LIMS2: variants seen among roughly 807,000 people sequenced by gnomAD.
LIMS2 encodes the protein LIM zinc finger domain containing 2.
A neutral mutation model predicts 45.3 loss-of-function variants in LIMS2; 30 were observed. That is an observed-to-expected ratio of 0.66 (90% CI 0.50 to 0.90). LIMS2 has a LOEUF of 0.90. LIMS2 is among the 40% of genes least tolerant of loss of function. The probability of loss-of-function intolerance (pLI) is 0.00; values close to 1 mark genes in which losing one functional copy is unlikely to be tolerated. For synonymous variants in LIMS2, 173 were observed against 188.0 expected, an observed-to-expected ratio of 0.92 and a Z score of 0.65; for missense variants, 485 against 468.7, an observed-to-expected ratio of 1.03 and a Z score of -0.32.
chr2:127,649,915 C>T, intron 4 of LIMS2: 1 of 1,000,832 alleles, frequency 1.0e-6, no homozygotes, highest in East Asian at 2.6e-5. Context: ...GATGCTGCCC[C>T]CTGGTGGTGG....
At chr2:127,679,481 G>C (rs1454951521), upstream of LIMS2, among the ~76,000 whole-genome samples, 1 of 152,118 alleles carries the variant, frequency 6.6e-6, no homozygotes, top group Admixed American at 6.5e-5. This position sits in a 1 kb window ranked among gnomAD's most constrained non-coding sequence, Gnocchi z 5.3. Flanking sequence ...CTGGGCCACA[G>C]AGTGACATGA....
chr2:127,656,386 C>T (rs1005142873), intron 2 of LIMS2, among the ~76,000 whole-genome samples: 14 of 151,114 alleles, frequency 9.3e-5, no homozygotes, highest in Admixed American at 7.9e-4. Flanking sequence ...CTCAGCACAG[C>T]GGCCACAAGC....
At chr2:127,674,950 C>A in intron 1 of LIMS2, 64 bp downstream of exon 1, 1 of 1,225,796 alleles carries the variant, frequency 8.2e-7, no homozygotes. Flanking sequence ...GGGCGAGCTG[C>A]GCCTCGGCCA....
rs1685282550 is a variant in LIMS2, at chr2:127,671,818, A to G, written c.11+3196T>C. 6.6e-6 allele frequency among the ~76,000 whole-genome samples: 1 copy of G among 152,232 alleles called. No individual in the cohort carries two copies. The highest frequency in any genetic ancestry group is 1.5e-5 in the Non-Finnish European group (1 of 68,036). ...GCTCAGGGCTCAGTGGTGCCACATC[A>G]CAAGCCACATCACTTGTTACCCACT... On this transcript the variant is annotated intron_variant, in intron 1 of 9. Transcript: ENST00000355119. The surrounding 1 kb of genome is among the most constrained non-coding windows in gnomAD (Gnocchi z 4.1).
At chr2:127,674,849 C>A (rs1383192906) in intron 1 of LIMS2, 165 bp downstream of exon 1, 2 of 985,216 alleles carry the variant, frequency 2.0e-6, no homozygotes, top group African/African-American at 1.7e-5. Flanking sequence ...GCTGGGGGAC[C>A]CCTGCCCCGA....
chr2:127,652,022 G>A (rs921609656), intron 4 of LIMS2: 2 of 523,472 alleles, frequency 3.8e-6, no homozygotes. Context: ...GAGAGAGGAG[G>A]CCGGAAGAAC....
chr2:127,662,579 T>G (rs984881455), intron 1 of LIMS2, among the ~76,000 whole-genome samples: 26 of 138,280 alleles, frequency 1.9e-4, no homozygotes, highest in African/African-American at 6.8e-4. Context: ...AATTGAACAT[T>G]GAGAACACAT....
chr2:127,668,694 A>AAAAAAAAAAAAAAAAAAAAAAAAAT (rs1685140050), intron 1 of LIMS2, among the ~76,000 whole-genome samples: 1 of 134,258 alleles, frequency 7.4e-6, no homozygotes, highest in Non-Finnish European at 1.6e-5. Context: ...AAAAAAAAAA[A>AAAAAAAAAAAAAAAAAAAAAAAAAT]AAAAAAAAAA....
chr2:127,641,021 A>T (rs750345914), intron 6 of LIMS2, 33 bp from the exon 7 acceptor site: 49 of 1,589,866 alleles, frequency 3.1e-5, no homozygotes, highest in Non-Finnish European at 4.1e-5. Flanking sequence ...GGGTGGCATC[A>T]GGGCTAGAGC....
intron 6 of LIMS2, 193 bp from the exon 7 acceptor site, chr2:127,641,181 C>T: frequency 1.7e-6 from 1 of 582,020 alleles, no homozygotes; most frequent in Non-Finnish European, 3.1e-6. Flanking sequence ...AGGATTCACA[C>T]TGGGCAGAGG....
In LIMS2 at chr2:127,664,617, T is replaced by C; in HGVS notation, c.12-7055A>G. On this transcript the variant is annotated intron_variant, in intron 1 of 9. Transcript: ENST00000355119. The surrounding 1 kb of genome is among the most constrained non-coding windows in gnomAD (Gnocchi z 5.5). Reference sequence around the variant, plus strand: ...ATATTGTTCGCGCCGCGGGGGCAGCTCCTGAAAGCTGAGGCTGGCGGGGGT... The same window carrying C: ...ATATTGTTCGCGCCGCGGGGGCAGCCCCTGAAAGCTGAGGCTGGCGGGGGT... 9.0e-7 allele frequency: 1 copy of C among 1,110,124 alleles called. No individual in the cohort carries two copies. 68.8% of individuals were successfully genotyped at this position (1,110,124 alleles called of 1,614,324 possible).
In LIMS2 at chr2:127,647,478, C is replaced by T. The variant is rs1389853520; in HGVS notation, c.360-4406G>A. Among the ~76,000 whole-genome samples, 2 of 152,174 alleles carry T rather than the reference C, an allele frequency of 1.3e-5. No homozygotes were observed. The highest frequency in any genetic ancestry group is 2.9e-5 in the Non-Finnish European group (2 of 68,034). ...GGTTTGAGCCAGCACAGGCAGGCCC[C>T]CACCATGCCAGGCAGAGTGGTCAGT... On this transcript the variant is annotated intron_variant, in intron 4 of 9. Transcript: ENST00000355119. This position sits in a 1 kb window ranked among gnomAD's most constrained non-coding sequence, Gnocchi z 4.3.
At chr2:127,645,005 A>T (rs1363376152) in intron 4 of LIMS2, among the ~76,000 whole-genome samples, 2 of 152,246 alleles carry the variant, frequency 1.3e-5, no homozygotes, top group Non-Finnish European at 2.9e-5. Context: ...TGGCCTTCAG[A>T]ATTCTTTTTC....
chr2:127,668,788 C>T (rs1285839438), intron 1 of LIMS2, among the ~76,000 whole-genome samples: 1 of 148,034 alleles, frequency 6.8e-6, no homozygotes, highest in Admixed American at 6.9e-5. Context: ...ACATATACAC[C>T]CATAGAACAG....
In LIMS2 at chr2:127,649,745, A is replaced by G. The variant is rs542842561; in HGVS notation, c.359+4679T>C. On this transcript the variant is annotated intron_variant, in intron 4 of 9. Transcript: ENST00000355119. ...CAGACCCAGGGTTCACCAGACGGACATGACTTGTTACCCAGGACTGTCACA... is the reference window on the plus strand; with the variant it reads ...CAGACCCAGGGTTCACCAGACGGACGTGACTTGTTACCCAGGACTGTCACA... Among the ~76,000 whole-genome samples, 35 of 152,334 alleles carry G rather than the reference A, an allele frequency of 2.3e-4. 1 individual carries two copies. The East Asian group carries it at 6.8e-3, about 29-fold the overall frequency.
At chr2:127,648,916 A>G (rs112175830) in intron 4 of LIMS2, among the ~76,000 whole-genome samples, 8,489 of 129,912 alleles carry the variant, frequency 0.065, 315 homozygotes, top group East Asian at 0.12. Context: ...GAGACCTTGA[A>G]AAAGAGAAAG....
rs1178068656 is a variant in LIMS2, at chr2:127,642,365, C to T, written c.510-166G>A. The T allele has an allele frequency of 1.5e-5, 11 of 719,454 alleles. No homozygotes were observed. The highest frequency in any genetic ancestry group is 2.4e-5 in the Non-Finnish European group (11 of 461,814). 44.6% of individuals were successfully genotyped at this position (719,454 alleles called of 1,614,324 possible). On this transcript the variant is annotated intron_variant, in intron 5 of 9. Coordinates refer to ENST00000355119, the MANE Select transcript of LIMS2 (RefSeq NM_001161403.3). The surrounding 1 kb of genome is among the most constrained non-coding windows in gnomAD (Gnocchi z 5.3). ...CTGGGCACTTTGAAGACTTCCTGTGCCCCAGACAGGCCCTGGAGCACAGAC... is the reference window on the plus strand; with the variant it reads ...CTGGGCACTTTGAAGACTTCCTGTGTCCCAGACAGGCCCTGGAGCACAGAC...
At position 127,642,769 on chromosome 2, in the gene LIMS2, T is replaced by G. The variant is rs908741405; in HGVS notation, c.509+154A>C. On this transcript the variant is annotated intron_variant, in intron 5 of 9. Transcript: ENST00000355119. The surrounding 1 kb of genome is among the most constrained non-coding windows in gnomAD (Gnocchi z 5.3). Reference sequence around the variant, plus strand: ...TGCTTCCCAGCCCCCAGCCCACCTCTGCCCTGCAGCCTTGCTCTCGGGACC... The same window carrying G: ...TGCTTCCCAGCCCCCAGCCCACCTCGGCCCTGCAGCCTTGCTCTCGGGACC... 5 of 808,158 alleles carry G rather than the reference T, an allele frequency of 6.2e-6. No homozygotes were observed. The Admixed American group carries it at 1.4e-4, about 23-fold the overall frequency. 50.1% of individuals were successfully genotyped at this position (808,158 alleles called of 1,614,324 possible). A position where few individuals can be genotyped will look rare whatever the true frequency, so the allele number is the denominator to read the frequency against.
chr2:127,679,575 C>A (rs990641395), upstream of LIMS2, among the ~76,000 whole-genome samples: 5 of 151,922 alleles, frequency 3.3e-5, no homozygotes, highest in African/African-American at 1.2e-4. This position sits in a 1 kb window ranked among gnomAD's most constrained non-coding sequence, Gnocchi z 5.3. Context: ...AGGTGGGCAC[C>A]CCCTTTGCTG....
Sources: allele counts gnomAD v4.1 joint callset (sites outside exome capture counted in the v4.1 genomes callset), GRCh38; gene constraint gnomAD v4.1.1; non-coding constraint Gnocchi (gnomAD v3.1); transcripts MANE v1.5; gene names NCBI Gene and HGNC (gene_info 2026-07-23, HGNC 2026-07-21).